SLC24A2: variants seen among roughly 807,000 people sequenced by gnomAD.
The protein encoded by SLC24A2 is solute carrier family 24 member 2, also known as sodium/potassium/calcium exchanger 2.
In SLC24A2, 36 loss-of-function variants were observed where a neutral mutation model predicts 62.0. That is an observed-to-expected ratio of 0.58 (90% CI 0.44 to 0.77). The LOEUF (loss-of-function observed/expected upper bound fraction) is 0.77. Among genes scored for constraint, SLC24A2 ranks in the 30% least tolerant of loss-of-function variants. The probability of loss-of-function intolerance (pLI) is 0.00; values close to 1 mark genes in which losing one functional copy is unlikely to be tolerated. For synonymous variants in SLC24A2, 358 were observed against 294.0 expected, an observed-to-expected ratio of 1.22 and a Z score of -2.23; for missense variants, 846 against 817.9, an observed-to-expected ratio of 1.03 and a Z score of -0.42.
chr9:20,143,759 ATTT>A, the SLC24A2 span, among the ~76,000 whole-genome samples: 3 of 152,228 alleles, frequency 2.0e-5, no homozygotes, highest in Non-Finnish European at 4.4e-5. Flanking sequence ...AAGTAAAATT[ATTT>A]CCAAATTGGT....
At chr9:20,267,571 T>C in the SLC24A2 span, among the ~76,000 whole-genome samples, 1 of 152,170 alleles carries the variant, frequency 6.6e-6, no homozygotes, top group Non-Finnish European at 1.5e-5. Context: ...CAGGGAAGAC[T>C]CTAAGGGGAG....
chr9:19,589,244 T>C (rs1587002125), intron 5 of SLC24A2, among the ~76,000 whole-genome samples: 1 of 152,236 alleles, frequency 6.6e-6, no homozygotes, highest in Non-Finnish European at 1.5e-5. Context: ...AGGGTACTGA[T>C]TGAACCAACC....
At chr9:20,121,826 T>C in the SLC24A2 span, among the ~76,000 whole-genome samples, 6 of 152,230 alleles carry the variant, frequency 3.9e-5, no homozygotes, top group Non-Finnish European at 5.9e-5. Flanking sequence ...ATCTTGGAGA[T>C]GGTGCTGTTA....
chr9:19,685,798 AC>A (rs1819863779), intron 2 of SLC24A2, among the ~76,000 whole-genome samples: 1 of 152,108 alleles, frequency 6.6e-6, no homozygotes, highest in Admixed American at 6.6e-5. Context: ...CAAATGTAAA[AC>A]CAAAAACTAT....
the SLC24A2 span, among the ~76,000 whole-genome samples, chr9:20,086,045 CCTT>C: frequency 1.3e-5 from 2 of 152,196 alleles, no homozygotes; most frequent in Non-Finnish European, 2.9e-5. Flanking sequence ...CCCATGTCCT[CCTT>C]CATCAGAGCT....
intron 4 of SLC24A2, among the ~76,000 whole-genome samples, chr9:19,617,634 G>A (rs1003457522): frequency 3.9e-5 from 6 of 152,126 alleles, no homozygotes; most frequent in African/African-American, 1.2e-4. Context: ...TTCACCCCGG[G>A]ACTACAGCTC....
Position 19,680,851 on chromosome 9 carries a change from TTGTGTG to T in SLC24A2, c.931-58558_931-58553del, listed in dbSNP as rs72142691. Among the ~76,000 whole-genome samples the T allele has an allele frequency of 2.7e-3, 393 of 147,016 alleles. 4 individuals are homozygous for T. The highest frequency in any genetic ancestry group is 0.022 in the East Asian group (106 of 4,904). On this transcript the variant is annotated intron_variant, in intron 2 of 10. Transcript: ENST00000341998. ...TTTAAACTCAAAATATATACCAGAG[TTGTGTG>T]TGTGTGTGTGTGTGTGTGTGTGTGT...
At chr9:20,079,213 C>A in the SLC24A2 span, among the ~76,000 whole-genome samples, 20 of 152,218 alleles carry the variant, frequency 1.3e-4, no homozygotes, top group Middle Eastern at 6.8e-3. Flanking sequence ...GAGAGCCCTG[C>A]TAATACTTTG....
At chr9:20,036,838 G>GTA in the SLC24A2 span, among the ~76,000 whole-genome samples, 3 of 151,688 alleles carry the variant, frequency 2.0e-5, no homozygotes, top group African/African-American at 2.4e-5. Context: ...ATATATATGT[G>GTA]TATATATATG....
chr9:19,635,257 G>A (rs1818281504), intron 2 of SLC24A2, among the ~76,000 whole-genome samples: 1 of 152,172 alleles, frequency 6.6e-6, no homozygotes, highest in African/African-American at 2.4e-5. Context: ...ATCTGTTCTA[G>A]AATTGGGGGA....
chr9:19,859,484 C>T, the SLC24A2 span, among the ~76,000 whole-genome samples: 1 of 151,994 alleles, frequency 6.6e-6, no homozygotes, highest in Non-Finnish European at 1.5e-5. Flanking sequence ...GCACGTGTAT[C>T]CCTGAACCTA....
intron 2 of SLC24A2, among the ~76,000 whole-genome samples, chr9:19,733,417 C>T (rs1821398888): frequency 6.6e-6 from 1 of 152,124 alleles, no homozygotes; most frequent in African/African-American, 2.4e-5. Flanking sequence ...GTCATCCAGC[C>T]CATTGCCTCC....
intron 2 of SLC24A2, among the ~76,000 whole-genome samples, chr9:19,715,309 C>T (rs765298399): frequency 1.4e-4 from 22 of 152,162 alleles, no homozygotes; most frequent in Admixed American, 4.6e-4. Flanking sequence ...AGTTGATACA[C>T]TGACAGGCAG....
chr9:20,151,438 G>A, the SLC24A2 span, among the ~76,000 whole-genome samples: 1 of 151,750 alleles, frequency 6.6e-6, no homozygotes, highest in African/African-American at 2.4e-5. Flanking sequence ...TTTAGTGCAT[G>A]GCCTTCTGTT....
rs1001612124 is a variant in SLC24A2, at chr9:19,509,404, A to C, written c.*6749T>G. 1.1e-4 allele frequency: 16 copies of C among 152,306 alleles called. No individual in the cohort carries two copies. Among genetic ancestry groups the C allele is most frequent in the African/African-American group, 3.6e-4 (15 of 41,574 alleles). The allele number at this position is 152,306 out of a possible 1,614,324, so 9.4% of individuals were successfully genotyped here. ...ATAAAAAATAGAACAGATAAACTCC[A>C]ATTTACAATAAACAATACAAAACAG... On this transcript the variant is annotated 3_prime_UTR_variant, in exon 11 of 11. Transcript: ENST00000341998.
At chr9:19,964,225 G>A in the SLC24A2 span, among the ~76,000 whole-genome samples, 11 of 114,470 alleles carry the variant, frequency 9.6e-5, no homozygotes, top group Admixed American at 2.0e-4. Flanking sequence ...GTTGTGGGGT[G>A]GGGGGAGGGG....
the SLC24A2 span, among the ~76,000 whole-genome samples, chr9:20,084,528 T>C: frequency 6.6e-6 from 1 of 151,246 alleles, no homozygotes; most frequent in Non-Finnish European, 1.5e-5. Context: ...CTCTCCTTTT[T>C]TCTTTCACAG....
chr9:19,670,135 C>T (rs1359212108), intron 2 of SLC24A2, among the ~76,000 whole-genome samples: 2 of 152,202 alleles, frequency 1.3e-5, no homozygotes, highest in African/African-American at 2.4e-5. Context: ...CTTCCCATCT[C>T]TTGTGGCACC....
At chr9:19,521,371 G>A (rs187749184) in intron 9 of SLC24A2, among the ~76,000 whole-genome samples, 48 of 152,316 alleles carry the variant, frequency 3.2e-4, no homozygotes, top group Non-Finnish European at 5.1e-4. Flanking sequence ...CAGGATTAGA[G>A]GTAGAAAGGC....
Sources: gnomAD v4.1 joint callset for allele counts (sites outside exome capture counted in the v4.1 genomes callset) on GRCh38, gnomAD v4.1.1 for gene constraint, MANE v1.5 for transcripts, NCBI Gene and HGNC (gene_info 2026-07-23, HGNC 2026-07-21) for gene names.